ADH7: variants seen among roughly 807,000 people sequenced by gnomAD.
ADH7 encodes alcohol dehydrogenase 7 (class IV), mu or sigma polypeptide.
In ADH7, 41 loss-of-function variants were observed where a neutral mutation model predicts 34.4. The ratio of observed to expected loss-of-function variants is 1.19; its 90% confidence interval spans 0.93 to 1.55. The LOEUF (loss-of-function observed/expected upper bound fraction) is 1.55, where lower values mean the gene tolerates loss of function less well. Ranked by LOEUF, ADH7 falls within the 40% of genes most tolerant of loss-of-function variation. ADH7 has a pLI of 0.00. For synonymous variants in ADH7, 180 were observed against 160.9 expected (o/e 1.12, Z -0.90); for missense variants, 540 against 461.2 (o/e 1.17, Z -1.56).
At chr4:99,432,564 G>A (rs977486418) in intron 1 of ADH7, 2 of 152,200 alleles carry the variant, frequency 1.3e-5, no homozygotes, top group African/African-American at 4.8e-5. Flanking sequence ...AAATAGTACT[G>A]AGGGAAAATA....
chr4:99,429,044 G>C (rs942908852), intron 2 of ADH7, among the ~76,000 whole-genome samples: 1 of 152,192 alleles, frequency 6.6e-6, no homozygotes, highest in Non-Finnish European at 1.5e-5. Flanking sequence ...TCAGGTAACA[G>C]TAAGAGGGTC....
At chr4:99,419,326 C>A (rs1235753094) in intron 6 of ADH7, among the ~76,000 whole-genome samples, 1 of 152,118 alleles carries the variant, frequency 6.6e-6, no homozygotes, top group East Asian at 1.9e-4. Context: ...AAACAGCAAT[C>A]AATGTGGTCA....
At chr4:99,431,796 A>T (rs765764487) in intron 1 of ADH7, among the ~76,000 whole-genome samples, 2 of 152,134 alleles carry the variant, frequency 1.3e-5, no homozygotes, top group African/African-American at 4.8e-5. Context: ...AGTCAGAATG[A>T]CTATTGCTAA....
At chr4:99,427,344 C>G (rs542117749) in intron 5 of ADH7, among the ~76,000 whole-genome samples, 118 of 152,168 alleles carry the variant, frequency 7.8e-4, no homozygotes, top group African/African-American at 2.7e-3. Flanking sequence ...CAAAATTGTA[C>G]TTTTTTCTGA....
In ADH7 at chr4:99,435,240, T is replaced by C; in HGVS notation, c.-7A>G. The C allele has an allele frequency of 6.2e-7, 1 of 1,613,520 alleles. No homozygotes were observed. Among genetic ancestry groups the C allele is most frequent in the Non-Finnish European group, 8.5e-7 (1 of 1,179,772 alleles). On this transcript the variant is annotated 5_prime_UTR_variant, in exon 1 of 9. Transcript: ENST00000437033. ...CTTTTCCAGCAGTGCCCATCCTGTC[T>C]TTGTCTTGGATCTGTATTTCTGCAA... is the stretch of plus-strand genomic sequence containing the variant.
At chr4:99,422,455 A>G (rs1721688046) in intron 5 of ADH7, among the ~76,000 whole-genome samples, 1 of 152,194 alleles carries the variant, frequency 6.6e-6, no homozygotes, top group Non-Finnish European at 1.5e-5. Flanking sequence ...TTGAACAATG[A>G]GAACACATGG....
chr4:99,424,324 C>G (rs893405148), intron 5 of ADH7, among the ~76,000 whole-genome samples: 3 of 152,196 alleles, frequency 2.0e-5, no homozygotes, highest in East Asian at 1.9e-4. Context: ...ATGCCTCCAG[C>G]TTTGTTCTTT....
intron 1 of ADH7, among the ~76,000 whole-genome samples, chr4:99,431,223 G>A (rs937787537): frequency 2.6e-5 from 4 of 152,148 alleles, no homozygotes; most frequent in Non-Finnish European, 5.9e-5. Flanking sequence ...CAAGCCATGG[G>A]GAAAGAATGC....
At chr4:99,418,168 T>C (rs924810003) in intron 7 of ADH7, among the ~76,000 whole-genome samples, 1 of 152,208 alleles carries the variant, frequency 6.6e-6, no homozygotes, top group South Asian at 2.1e-4. Flanking sequence ...GCTAAAAAAC[T>C]CCTCTTATAA....
Position 99,428,166 on chromosome 4 carries a change from C to G in ADH7, c.268G>C (p.Val90Leu). 6.2e-7 allele frequency: 1 copy of G among 1,613,616 alleles called. No homozygotes were observed. The highest frequency in any genetic ancestry group is 8.5e-7 in the Non-Finnish European group (1 of 1,179,698). The change falls in exon 4 of 9, where the codon GTC (valine) becomes CTC (leucine). Residue 90 changes from valine (V) to leucine (L), a missense_variant. By Grantham distance (32) the Val-to-Leu change is conservative. Coordinates refer to ENST00000437033, the MANE Select transcript of ADH7 (RefSeq NM_000673.7). ...CATTGTGGCAGAAAGAGAGGGATGA[C>G]TTTGTCACCTACAGGAAAAAAATCA... Reference protein sequence around the residue: ...GVTTVKPGDKVIPLFLPQCRE... With the variant: ...GVTTVKPGDKLIPLFLPQCRE...
At chr4:99,424,860 C>A (rs1422857714) in intron 5 of ADH7, among the ~76,000 whole-genome samples, 1 of 151,908 alleles carries the variant, frequency 6.6e-6, no homozygotes, top group Non-Finnish European at 1.5e-5. Flanking sequence ...AATTGAATAC[C>A]CTTTATTTCC....
intron 6 of ADH7, among the ~76,000 whole-genome samples, chr4:99,420,071 G>A (rs1212414310): frequency 6.6e-6 from 1 of 152,104 alleles, no homozygotes; most frequent in East Asian, 1.9e-4. Flanking sequence ...ATTCAGATGA[G>A]GGCAAACAAA....
rs1418887697 is a variant in ADH7 at position 99,423,352 on chromosome 4, C to A, written c.565-2559G>T. Among the ~76,000 whole-genome samples, 3 of 151,444 alleles carry A rather than the reference C, an allele frequency of 2.0e-5. No homozygotes were observed. In the East Asian group the frequency reaches 5.8e-4, roughly 30 times the overall value. On this transcript the variant is annotated intron_variant, in intron 5 of 8. Transcript: ENST00000437033. ...GCAATAAACATACGTGTGCATGTGT[C>A]TTTATAGCAGCATGATTTATAGTCC...
chr4:99,428,654 G>T, intron 2 of ADH7, 24 bp from the exon 3 acceptor site: 3 of 1,604,394 alleles, frequency 1.9e-6, no homozygotes, highest in Non-Finnish European at 2.5e-6. Context: ...CAAAAACATT[G>T]CACCAATCAA....
At chr4:99,416,278 C>G (rs904241513) in intron 7 of ADH7, among the ~76,000 whole-genome samples, 1 of 152,148 alleles carries the variant, frequency 6.6e-6, no homozygotes, top group African/African-American at 2.4e-5. Flanking sequence ...CTTCAGTTCA[C>G]TGTTTCTGGA....
chr4:99,424,705 T>C (rs1324535423), intron 5 of ADH7, among the ~76,000 whole-genome samples: 1 of 152,174 alleles, frequency 6.6e-6, no homozygotes, highest in Non-Finnish European at 1.5e-5. Flanking sequence ...AGAATGCTTG[T>C]GATTTTTGTA....
intron 5 of ADH7, 68 bp downstream of exon 5, chr4:99,427,705 A>G: frequency 8.2e-7 from 1 of 1,213,186 alleles, no homozygotes; most frequent in South Asian, 2.9e-5. Context: ...AAAACTCTTC[A>G]AGATTCCAAG....
rs1450183836 is a variant in ADH7 at position 99,420,715 on chromosome 4, C to T, written c.643G>A (p.Gly215Ser). The change falls in exon 6 of 9, where the codon GGT (glycine) becomes AGT (serine). Residue 215 changes from glycine (G) to serine (S), a missense_variant. By Grantham distance (56) the Gly-to-Ser change is moderately conservative. Coordinates refer to ENST00000437033, the MANE Select transcript of ADH7 (RefSeq NM_000673.7). The stretch of plus-strand genomic sequence containing the variant: ...TCAATCCCAATGATCCTAGATGCAC[C>T]AGCTGACTTACAGCCCATGATGACT... ...LSVIMGCKSAGASRIIGIDLN... is the reference protein window; with the variant it reads ...LSVIMGCKSASASRIIGIDLN... 1 of 1,613,902 alleles carries T rather than the reference C, an allele frequency of 6.2e-7. No individual in the cohort carries two copies. Among genetic ancestry groups the T allele is most frequent in the Admixed American group, 1.7e-5 (1 of 59,944 alleles).
intron 5 of ADH7, among the ~76,000 whole-genome samples, chr4:99,426,895 G>A (rs1721820588): frequency 1.3e-5 from 2 of 152,296 alleles, no homozygotes; most frequent in African/African-American, 4.8e-5. Context: ...TGCGATGCAA[G>A]GCTGGTTCAA....
Sources: gnomAD v4.1 joint callset for allele counts (sites outside exome capture counted in the v4.1 genomes callset) on GRCh38, gnomAD v4.1.1 for gene constraint, MANE v1.5 for transcripts, NCBI Gene and HGNC (gene_info 2026-07-23, HGNC 2026-07-21) for gene names.